Variants in NIPSNAP3B observed in about 807,000 individuals in gnomAD.
NIPSNAP3B encodes the protein nipsnap homolog 3B.
Under a neutral mutation model 31.5 loss-of-function variants are expected in NIPSNAP3B, and 30 were observed. The observed-to-expected ratio is 0.95, with a 90% CI of 0.71 to 1.29. The LOEUF (loss-of-function observed/expected upper bound fraction) is 1.29. Among genes scored for constraint, NIPSNAP3B ranks in the 50% most tolerant of loss-of-function variants. The probability of loss-of-function intolerance (pLI) is 0.00; values close to 1 mark genes in which losing one functional copy is unlikely to be tolerated. For synonymous variants in NIPSNAP3B, 106 were observed against 107.9 expected (o/e 0.98, Z 0.11); for missense variants, 269 against 300.7 (o/e 0.89, Z 0.78).
chr9:104,778,646 T>C (rs1440316314), downstream of NIPSNAP3B, among the ~76,000 whole-genome samples: 1 of 152,212 alleles, frequency 6.6e-6, no homozygotes, highest in African/African-American at 2.4e-5. Flanking sequence ...GTCACCTTGC[T>C]AGCTCTCTTT....
In NIPSNAP3B at chr9:104,764,276, T is replaced by C. The variant is rs776237752; in HGVS notation, c.36T>C (p.Leu12=). The change falls in exon 1 of 6, where the codon CTT becomes CTC. Residue 12 remains leucine (L), a synonymous_variant. Transcript: ENST00000374762. ...TCAGAAGCGGCCTGACCAAGGCGCT[T>C]GCCTCACGGACGCTCGCGCCTCAGG... The part of the protein sequence containing the change: ...LVLRSGLTKA[L]ASRTLAPQVC... The C allele has an allele frequency of 8.1e-6, 13 of 1,596,224 alleles. No individual in the cohort carries two copies. The South Asian group carries it at 1.4e-4, about 17-fold the overall frequency.
chr9:104,782,958 A>T, the NIPSNAP3B span: 1 of 152,606 alleles, frequency 6.6e-6, no homozygotes, highest in African/African-American at 2.4e-5. Flanking sequence ...CAGGAAGTGT[A>T]CTGAGACTTA....
In NIPSNAP3B at chr9:104,766,408, T is replaced by C; in HGVS notation, c.144T>C (p.Asn48=). The C allele has an allele frequency of 6.2e-7, 1 of 1,613,818 alleles. No homozygotes were observed. The highest frequency in any genetic ancestry group is 8.5e-7 in the Non-Finnish European group (1 of 1,179,758). Residue 48 remains asparagine, a synonymous_variant, in exon 2 of 6, where the codon AAT becomes AAC. Transcript: ENST00000374762. The part of the protein sequence containing the change: ...EFRTYYLKPS[N]MNAFMENLKK... The stretch of plus-strand genomic sequence containing the variant: ...GTACTTATTACCTTAAACCTTCAAA[T>C]ATGAATGCGTTCATGGAAAATCTTA...
chr9:104,784,248 C>T, the NIPSNAP3B span: 6 of 1,603,600 alleles, frequency 3.7e-6, no homozygotes, highest in African/African-American at 2.7e-5. Context: ...CTCCACAACA[C>T]TTCACATGGT....
At chr9:104,784,217 A>G in the NIPSNAP3B span, 8 of 1,501,468 alleles carry the variant, frequency 5.3e-6, no homozygotes, top group Non-Finnish European at 7.4e-6. Context: ...ACTTCTTCCC[A>G]CATCAACTTC....
At chr9:104,784,400 G>A in the NIPSNAP3B span, 85 of 1,613,970 alleles carry the variant, frequency 5.3e-5, no homozygotes, top group Non-Finnish European at 6.9e-5. Flanking sequence ...TTTGTGTAAT[G>A]AGAGGTCTTT....
Position 104,764,376 on chromosome 9 carries a change from A to T in NIPSNAP3B, c.60+76A>T, listed in dbSNP as rs994020517. 22 of 1,278,406 alleles carry T rather than the reference A, an allele frequency of 1.7e-5. No individual in the cohort carries two copies. The African/African-American group carries it at 3.4e-4, about 20-fold the overall frequency. The allele number at this position is 1,278,406 out of a possible 1,614,324, so 79.2% of individuals were successfully genotyped here. The stretch of plus-strand genomic sequence containing the variant: ...GCGGGGGGTATTTCTGAAGCGTGCG[A>T]GCCACGCTCAGGCGCTCCCAGACCT... On this transcript the variant is annotated intron_variant, in intron 1 of 5. Transcript: ENST00000374762.
rs762077679 is a variant in NIPSNAP3B, at chr9:104,772,856, TC to T, written c.616del (p.Arg206ValfsTer25). ...TTTGGTGGAATGAGAGTGCAGATAGTCGTGCAGCTGGGAGACATAAGTCCCA... is the reference window on the plus strand; with the variant it reads ...TTTGGTGGAATGAGAGTGCAGATAGTGTGCAGCTGGGAGACATAAGTCCCA... ...VLWWNESADS[R>X]AAGRHKSHED... On this transcript the variant is annotated frameshift_variant, in exon 5 of 6. Transcript: ENST00000374762. LOFTEE classifies it high-confidence loss of function. The T allele has an allele frequency of 1.9e-6, 3 of 1,613,564 alleles. No homozygotes were observed. Among genetic ancestry groups the T allele is most frequent in the Non-Finnish European group, 2.5e-6 (3 of 1,179,756 alleles).
At chr9:104,779,354 A>T (rs1022851191), downstream of NIPSNAP3B, among the ~76,000 whole-genome samples, 1 of 152,230 alleles carries the variant, frequency 6.6e-6, no homozygotes. Flanking sequence ...AGTATCTGGC[A>T]TACAGTAAAG....
At chr9:104,769,056 G>T (rs1042686609) in intron 3 of NIPSNAP3B, 35 bp downstream of exon 3, 7 of 1,549,410 alleles carry the variant, frequency 4.5e-6, no homozygotes, top group Non-Finnish European at 6.1e-6. Context: ...GAGTTTTAAT[G>T]AGTAAAATAC....
downstream of NIPSNAP3B, chr9:104,782,527 A>G (rs1456878890): frequency 6.6e-6 from 1 of 152,182 alleles, no homozygotes; most frequent in African/African-American, 2.4e-5. Flanking sequence ...AACAGTAAGT[A>G]TTAGTGAAAC....
intron 3 of NIPSNAP3B, among the ~76,000 whole-genome samples, chr9:104,769,966 A>C (rs916772912): frequency 6.6e-6 from 1 of 152,232 alleles, no homozygotes; most frequent in African/African-American, 2.4e-5. Context: ...AGATTCGAAA[A>C]GCATAAACTA....
At chr9:104,784,366 T>A in the NIPSNAP3B span, 1 of 1,614,146 alleles carries the variant, frequency 6.2e-7, no homozygotes, top group Non-Finnish European at 8.5e-7. Context: ...ATGTGAGAAC[T>A]GCAACGTCCA....
At chr9:104,784,223 A>G in the NIPSNAP3B span, 2 of 1,537,752 alleles carry the variant, frequency 1.3e-6, no homozygotes, top group Non-Finnish European at 1.8e-6. Context: ...TCCCACATCA[A>G]CTTCTGGCTC....
the NIPSNAP3B span, chr9:104,785,728 A>T: frequency 6.5e-7 from 1 of 1,548,418 alleles, no homozygotes; most frequent in Non-Finnish European, 8.8e-7. Flanking sequence ...TTGTGCCATG[A>T]AAAAGGGCGG....
At chr9:104,783,936 GC>G in the NIPSNAP3B span, 1 of 186,936 alleles carries the variant, frequency 5.3e-6, no homozygotes, top group African/African-American at 2.4e-5. Flanking sequence ...ATCAATAATC[GC>G]TGGCCATGAT....
the NIPSNAP3B span, among the ~76,000 whole-genome samples, chr9:104,789,676 T>C: frequency 6.6e-6 from 1 of 152,200 alleles, no homozygotes; most frequent in East Asian, 1.9e-4. Flanking sequence ...TATGAAACTT[T>C]AGGTTATACA....
chr9:104,779,037 C>T (rs1451513332), downstream of NIPSNAP3B, among the ~76,000 whole-genome samples: 1 of 152,136 alleles, frequency 6.6e-6, no homozygotes, highest in African/African-American at 2.4e-5. Flanking sequence ...CTCAGCTTGC[C>T]AAGCTTTTTC....
chr9:104,787,815 G>A, the NIPSNAP3B span: 1 of 1,610,978 alleles, frequency 6.2e-7, no homozygotes, highest in Admixed American at 1.7e-5. Context: ...GTCCCTGGGG[G>A]AAGACAAGCC....
Sources: allele counts gnomAD v4.1 joint callset (sites outside exome capture counted in the v4.1 genomes callset), GRCh38; gene constraint gnomAD v4.1.1; transcripts MANE v1.5; gene names NCBI Gene and HGNC (gene_info 2026-07-23, HGNC 2026-07-21).